Variants in TENM4 observed in about 807,000 individuals in gnomAD.
The protein encoded by TENM4 is teneurin transmembrane protein 4.
TENM4 carries 82 observed loss-of-function variants against 243.3 expected under a neutral mutation model. The observed-to-expected ratio is 0.34, with a 90% CI of 0.28 to 0.40. The LOEUF is 0.40. Ranked by LOEUF, TENM4 falls within the 10% of genes least tolerant of loss-of-function variation. TENM4 has a pLI of 1.00. For missense variants in TENM4, 3,138 were observed against 3,673.3 expected (o/e 0.85, Z 3.77); for synonymous variants, 1,412 against 1,456.3 (o/e 0.97, Z 0.69).
At chr11:79,437,645 C>T (rs1333784587) in intron 1 of TENM4, among the ~76,000 whole-genome samples, 3 of 152,202 alleles carry the variant, frequency 2.0e-5, no homozygotes, top group Non-Finnish European at 4.4e-5. Flanking sequence ...ACGAAGACAA[C>T]TGGAGGCCGG....
intron 6 of TENM4, among the ~76,000 whole-genome samples, chr11:79,053,174 T>G (rs1192652076): frequency 6.6e-6 from 1 of 152,178 alleles, no homozygotes; most frequent in Non-Finnish European, 1.5e-5. Flanking sequence ...ATTCTTAAAG[T>G]CAAAATTTGG....
intron 1 of TENM4, among the ~76,000 whole-genome samples, chr11:79,379,270 T>C (rs943369203): frequency 6.6e-6 from 1 of 152,214 alleles, no homozygotes; most frequent in Non-Finnish European, 1.5e-5. Flanking sequence ...GTCAAAGAGC[T>C]ACCTCCCAGG....
intron 11 of TENM4, among the ~76,000 whole-genome samples, chr11:78,854,747 G>C (rs542699477): frequency 1.4e-3 from 206 of 152,266 alleles, no homozygotes; most frequent in Admixed American, 2.6e-3. Flanking sequence ...GCGGGTGGCT[G>C]GGACTGGGAT....
chr11:79,440,222 C>G lies in TENM4; in HGVS notation c.-321+287G>C, dbSNP rs1054882836. Among the ~76,000 whole-genome samples the G allele has an allele frequency of 6.6e-6, 1 of 152,004 alleles. No homozygotes were observed. The highest frequency in any genetic ancestry group is 2.4e-5 in the African/African-American group (1 of 41,420). ...GCGCCGCCTCCCTCCCACCCGCTTC[C>G]CACCTCCCTGCCCTCCCCCAACCCT... On this transcript the variant is annotated intron_variant, in intron 1 of 33. Transcript: ENST00000278550. This position sits in a 1 kb window ranked among gnomAD's most constrained non-coding sequence, Gnocchi z 4.7.
chr11:79,174,239 T>A (rs1356393921), intron 3 of TENM4, among the ~76,000 whole-genome samples: 1 of 152,014 alleles, frequency 6.6e-6, no homozygotes, highest in Non-Finnish European at 1.5e-5. Context: ...ACCAACACTC[T>A]GCTGGGAGGG....
chr11:78,976,070 T>G (rs1354503251), intron 6 of TENM4, among the ~76,000 whole-genome samples: 1 of 152,192 alleles, frequency 6.6e-6, no homozygotes. Flanking sequence ...TAATAAATAA[T>G]AGTAATAAAC....
At chr11:78,718,691 C>T (rs1389907177) in intron 25 of TENM4, among the ~76,000 whole-genome samples, 2 of 152,188 alleles carry the variant, frequency 1.3e-5, no homozygotes, top group Non-Finnish European at 2.9e-5. Flanking sequence ...AGGCATGGGT[C>T]ATTACATAGT....
chr11:78,968,856 G>A lies in TENM4; in HGVS notation c.494-65333C>T, dbSNP rs755062736. On this transcript the variant is annotated intron_variant, in intron 6 of 33. Transcript: ENST00000278550. ...CAGCTCTGGTTTGGATTTTCCACCA[G>A]GCATAGGGAAAGGGAGAGGCCTGTC... Among the ~76,000 whole-genome samples the A allele has an allele frequency of 2.0e-4, 31 of 152,334 alleles. No individual in the cohort carries two copies. The Middle Eastern group carries it at 0.01, about 50-fold the overall frequency.
chr11:79,092,285 G>A (rs1860977046), intron 4 of TENM4, among the ~76,000 whole-genome samples: 1 of 152,230 alleles, frequency 6.6e-6, no homozygotes, highest in African/African-American at 2.4e-5. Context: ...ACACAGGTTT[G>A]TGGCAATGCG....
intron 4 of TENM4, among the ~76,000 whole-genome samples, chr11:79,109,989 T>C (rs74743749): frequency 0.013 from 2,054 of 152,338 alleles, 46 homozygotes; most frequent in African/African-American, 0.046. Context: ...TTACTTTCTA[T>C]CCACCTTCTT....
intron 25 of TENM4, among the ~76,000 whole-genome samples, chr11:78,713,795 C>A (rs1229822495): frequency 6.6e-6 from 1 of 152,102 alleles, no homozygotes; most frequent in Admixed American, 6.6e-5. Flanking sequence ...GTAGATATCT[C>A]TTATTAAGAC....
intron 12 of TENM4, among the ~76,000 whole-genome samples, chr11:78,830,858 C>G (rs1483318541): frequency 6.6e-6 from 1 of 152,310 alleles, no homozygotes; most frequent in East Asian, 1.9e-4. Flanking sequence ...TTCATCCCAT[C>G]TAAACTTCTC....
intron 6 of TENM4, among the ~76,000 whole-genome samples, chr11:78,938,341 C>T (rs149709556): frequency 6.6e-6 from 1 of 152,230 alleles, no homozygotes; most frequent in Non-Finnish European, 1.5e-5. Flanking sequence ...GCACTTTTCA[C>T]CCAGCATCTC....
chr11:78,777,335 G>A (rs557992734), intron 17 of TENM4, among the ~76,000 whole-genome samples: 160 of 152,206 alleles, frequency 1.1e-3, no homozygotes, highest in African/African-American at 3.6e-3. Context: ...GCTGTATTTG[G>A]CAAAGCTGTC....
chr11:78,658,094 G>T lies in TENM4; in HGVS notation c.8274C>A (p.Ile2758=). 1 of 1,613,786 alleles carries T rather than the reference G, an allele frequency of 6.2e-7. No homozygotes were observed. The highest frequency in any genetic ancestry group is 8.5e-7 in the Non-Finnish European group (1 of 1,179,790). The change falls in exon 34 of 34, where the codon ATC becomes ATA. Residue 2758 remains isoleucine (I), a synonymous_variant. Transcript: ENST00000278550. Reference sequence around the variant, plus strand: ...CCATCTCGCTCTGTCTCATGAAGTGGATGTTGTTGGCGCTGTCTGACAGTT... The same window carrying T: ...CCATCTCGCTCTGTCTCATGAAGTGTATGTTGTTGGCGCTGTCTGACAGTT... The part of the protein sequence containing the change: ...YPELSDSANN[I]HFMRQSEMGR...
In TENM4 at chr11:78,669,117, G is replaced by A; in HGVS notation, c.7228C>T (p.Leu2410Phe). ...CGGCCCATGTGGACAAGCTTGGTGA[G>A]TGGATCATAGAGGCCACCATGGTAG... ...IGYHGGLYDP[L>F]TKLVHMGRRD... The change falls in exon 32 of 34, where the codon CTC becomes TTC. Residue 2410 changes from leucine (L) to phenylalanine (F), a missense_variant. Leu to Phe is a conservative substitution (Grantham distance 22). Transcript: ENST00000278550. The surrounding 1 kb of genome is among the most constrained non-coding windows in gnomAD (Gnocchi z 6.4). 2 of 1,613,820 alleles carry A rather than the reference G, an allele frequency of 1.2e-6. No individual in the cohort carries two copies. The highest frequency in any genetic ancestry group is 1.1e-5 in the South Asian group (1 of 91,040).
At chr11:79,136,642 AAC>A (rs1862115878) in intron 4 of TENM4, among the ~76,000 whole-genome samples, 1 of 152,156 alleles carries the variant, frequency 6.6e-6, no homozygotes, top group South Asian at 2.1e-4. Context: ...TTCTCACTGG[AAC>A]AGATACTTGC....
intron 1 of TENM4, among the ~76,000 whole-genome samples, chr11:79,430,497 G>A (rs928732652): frequency 1.3e-5 from 2 of 152,162 alleles, no homozygotes; most frequent in Non-Finnish European, 2.9e-5. Context: ...CTTCTGGAGA[G>A]TGATGATCCT....
intron 10 of TENM4, among the ~76,000 whole-genome samples, chr11:78,859,909 C>T (rs1413682780): frequency 1.3e-5 from 2 of 152,308 alleles, no homozygotes; most frequent in African/African-American, 2.4e-5. Context: ...TTTTTCCCTT[C>T]CCCATTAATG....
Sources: allele counts gnomAD v4.1 joint callset (sites outside exome capture counted in the v4.1 genomes callset), GRCh38; gene constraint gnomAD v4.1.1; non-coding constraint Gnocchi (gnomAD v3.1); transcripts MANE v1.5; gene names NCBI Gene and HGNC (gene_info 2026-07-23, HGNC 2026-07-21).